CENPT: variants seen among roughly 807,000 people sequenced by gnomAD.
CENPT encodes interphase centromere complex protein 22.
In CENPT, 42 loss-of-function variants were observed where a neutral mutation model predicts 59.7. The ratio of observed to expected loss-of-function variants is 0.70; its 90% CI spans 0.55 to 0.91. The LOEUF (loss-of-function observed/expected upper bound fraction) is 0.91, where lower values mean the gene tolerates loss of function less well. Ranked by LOEUF, CENPT falls within the 40% of genes least tolerant of loss-of-function variation. The probability of loss-of-function intolerance (pLI) is 0.00; values close to 1 mark genes in which losing one functional copy is unlikely to be tolerated. For missense variants in CENPT, 716 were observed against 713.4 expected, an observed-to-expected ratio of 1.00 and a Z score of -0.04; for synonymous variants, 295 against 289.6, an observed-to-expected ratio of 1.02 and a Z score of -0.19.
intron 1 of CENPT, among the ~76,000 whole-genome samples, chr16:67,844,658 A>T (rs1598151856): frequency 6.6e-6 from 1 of 152,222 alleles, no homozygotes; most frequent in Admixed American, 6.5e-5. Context: ...CTTCAGGCAC[A>T]AGGACTGTTG....
chr16:67,829,248 A>G, intron 13 of CENPT, 175 bp downstream of exon 13: 1 of 561,094 alleles, frequency 1.8e-6, no homozygotes, highest in Non-Finnish European at 3.1e-6. Context: ...TAAGCCGTGG[A>G]GGCAGGCACC....
chr16:67,831,650 C>T, intron 8 of CENPT, 38 bp from the exon 9 acceptor site: 2 of 1,613,244 alleles, frequency 1.2e-6, no homozygotes, highest in Non-Finnish European at 1.7e-6. Flanking sequence ...AAGAAGAAAA[C>T]CATGGTAAGT....
chr16:67,830,238 C>A (rs1395275507), intron 11 of CENPT, 150 bp from the exon 12 acceptor site: 1 of 1,239,352 alleles, frequency 8.1e-7, no homozygotes, highest in South Asian at 1.3e-5. Flanking sequence ...TCTGAAGTCT[C>A]CTGGCCCAAC....
chr16:67,831,070 G>A, intron 10 of CENPT, 146 bp downstream of exon 10: 1 of 1,035,476 alleles, frequency 9.7e-7, no homozygotes, highest in Admixed American at 2.0e-5. Context: ...AAAGCAAGCA[G>A]AAATTCCTTG....
Position 67,829,417 on chromosome 16 carries a change from T to C in CENPT, c.1280+6A>G, listed in dbSNP as rs777723544. The stretch of plus-strand genomic sequence containing the variant: ...GCCCATGAGGAATGGGGTTGTGGGA[T>C]CTTACACTGCAGCACCAGGCGCTGG... On this transcript the variant is annotated splice_donor_region_variant and intron_variant, in intron 13 of 15. Transcript: ENST00000562787. 5 of 1,588,606 alleles carry C rather than the reference T, an allele frequency of 3.1e-6. No individual in the cohort carries two copies. The Admixed American group carries it at 7.8e-5, about 25-fold the overall frequency.
At chr16:67,841,833 G>A (rs1022607618) in intron 1 of CENPT, 6 of 152,266 alleles carry the variant, frequency 3.9e-5, no homozygotes, top group Admixed American at 1.3e-4. Context: ...CGAGGCCCAG[G>A]TTTCGTCTCC....
chr16:67,844,725 G>A (rs954835427), intron 1 of CENPT, among the ~76,000 whole-genome samples: 1 of 152,062 alleles, frequency 6.6e-6, no homozygotes, highest in African/African-American at 2.4e-5. Flanking sequence ...TCCACAGAGA[G>A]CATTAAGAAG....
At chr16:67,845,091 AT>A (rs1489816184) in intron 1 of CENPT, among the ~76,000 whole-genome samples, 1 of 151,872 alleles carries the variant, frequency 6.6e-6, no homozygotes, top group Non-Finnish European at 1.5e-5. Flanking sequence ...CCCAGCCTCT[AT>A]TTTTTCTTAG....
At chr16:67,839,350 C>A (rs922735412) in intron 1 of CENPT, among the ~76,000 whole-genome samples, 7 of 147,738 alleles carry the variant, frequency 4.7e-5, no homozygotes, top group African/African-American at 1.8e-4. Context: ...TGCCACTTCA[C>A]TCCAGCCTGA....
chr16:67,832,227 C>T lies in CENPT; in HGVS notation c.289+1G>A, dbSNP rs757264811. On this transcript the variant is annotated splice_donor_variant, in intron 6 of 15. Coordinates refer to ENST00000562787, the MANE Select transcript of CENPT (RefSeq NM_025082.4). LOFTEE classifies it high-confidence loss of function. ...TGACCGGCAGGCCAGCGCTCACTTA[C>T]CAGTTAGTAGGATGTTCTTCAGCAG... 1.2e-6 allele frequency: 2 copies of T among 1,614,104 alleles called. No homozygotes were observed. The highest frequency in any genetic ancestry group is 1.7e-6 in the Non-Finnish European group (2 of 1,179,946).
At chr16:67,833,698 C>T (rs1378347994) in intron 4 of CENPT, 52 bp downstream of exon 4, 2 of 1,151,138 alleles carry the variant, frequency 1.7e-6, no homozygotes, top group East Asian at 6.1e-5. Context: ...ACCCAGACCC[C>T]ACTCCCCGGT....
rs2057626206 is a variant in CENPT, at chr16:67,828,397, T to G, written c.1563-7A>C. The G allele has an allele frequency of 6.2e-7, 1 of 1,611,202 alleles. No individual in the cohort carries two copies. The highest frequency in any genetic ancestry group is 8.5e-7 in the Non-Finnish European group (1 of 1,177,938). ...GTCAGTGACCAGGCCCTGCCTGCAG[T>G]GGAGGAAGAGAAGGGACAGGCAGAA... On this transcript the variant is annotated splice_polypyrimidine_tract_variant and splice_region_variant and intron_variant, in intron 15 of 15. Coordinates refer to ENST00000562787, the MANE Select transcript of CENPT (RefSeq NM_025082.4).
chr16:67,834,674 A>G (rs1218082386), intron 3 of CENPT, among the ~76,000 whole-genome samples: 2 of 152,210 alleles, frequency 1.3e-5, no homozygotes, highest in Non-Finnish European at 2.9e-5. Context: ...GCCTATCTCT[A>G]TCAGAAGAGA....
chr16:67,839,442 C>G (rs1941471804), intron 1 of CENPT, among the ~76,000 whole-genome samples: 1 of 151,082 alleles, frequency 6.6e-6, no homozygotes, highest in African/African-American at 2.4e-5. Context: ...CACCTGTAAT[C>G]CCAGTTACCT....
chr16:67,830,150 G>A (rs1238725094), intron 11 of CENPT, 62 bp from the exon 12 acceptor site: 1 of 1,517,270 alleles, frequency 6.6e-7, no homozygotes, highest in Non-Finnish European at 9.1e-7. Flanking sequence ...ATAGCTCAGA[G>A]AAGGGTAAAG....
chr16:67,831,639 AAAG>A (rs1209103436), intron 8 of CENPT, 27 bp from the exon 9 acceptor site: 3 of 1,613,726 alleles, frequency 1.9e-6, no homozygotes, highest in African/African-American at 2.7e-5. Flanking sequence ...AGAGAATGTA[AAAG>A]AAGAAAACCA....
At chr16:67,840,582 C>A (rs2057754614) in intron 1 of CENPT, among the ~76,000 whole-genome samples, 1 of 143,566 alleles carries the variant, frequency 7.0e-6, no homozygotes, top group African/African-American at 2.6e-5. Flanking sequence ...ACACTGGGGT[C>A]TAATTGCGGG....
chr16:67,828,187 G>T lies in CENPT; in HGVS notation c.*80C>A, dbSNP rs997488609. The T allele has an allele frequency of 6.8e-7, 1 of 1,473,138 alleles. No individual in the cohort carries two copies. The highest frequency in any genetic ancestry group is 9.1e-7 in the Non-Finnish European group (1 of 1,093,660). 91.3% of individuals were successfully genotyped at this position (1,473,138 alleles called of 1,614,324 possible). A position where few individuals can be genotyped will look rare whatever the true frequency, so the allele number is the denominator to read the frequency against. On this transcript the variant is annotated 3_prime_UTR_variant, in exon 16 of 16. Transcript: ENST00000562787. ...TTTATGACACTTTATTGATGCTGGG[G>T]GGGTGGGGAGGAGACCTGGAGAAAT...
At chr16:67,845,909 G>A (rs1018649480) in intron 1 of CENPT, among the ~76,000 whole-genome samples, 3 of 152,242 alleles carry the variant, frequency 2.0e-5, no homozygotes, top group African/African-American at 7.2e-5. Flanking sequence ...TGTGGGTGGG[G>A]GAAGGTGCAA....
Sources: allele counts gnomAD v4.1 joint callset (sites outside exome capture counted in the v4.1 genomes callset), GRCh38; gene constraint gnomAD v4.1.1; transcripts MANE v1.5; gene names NCBI Gene and HGNC (gene_info 2026-07-23, HGNC 2026-07-21).